The following SLC2A11 variants were observed in gnomAD, a reference collection of about 807,000 sequenced individuals.
SLC2A11 encodes solute carrier family 2, facilitated glucose transporter member 11.
A neutral mutation model predicts 52.1 loss-of-function variants in SLC2A11; 43 were observed. The ratio of observed to expected loss-of-function variants is 0.82; its 90% CI spans 0.65 to 1.06. The LOEUF is 1.06. SLC2A11 is among the 50% of genes least tolerant of loss of function. SLC2A11 has a pLI of 0.00. For synonymous variants in SLC2A11, 261 were observed against 277.6 expected, an observed-to-expected ratio of 0.94 and a Z score of 0.59; for missense variants, 582 against 654.2, an observed-to-expected ratio of 0.89 and a Z score of 1.20.
upstream of SLC2A11, chr22:23,857,423 A>T: frequency 6.2e-7 from 1 of 1,607,770 alleles, no homozygotes; most frequent in African/African-American, 1.3e-5. Context: ...GCCTGCAGAG[A>T]TGAGCTTGGG....
Position 23,884,436 on chromosome 22 carries a change from C to T in SLC2A11, c.1299+7C>T. 2 of 1,611,518 alleles carry T rather than the reference C, an allele frequency of 1.2e-6. No homozygotes were observed. The highest frequency in any genetic ancestry group is 1.7e-6 in the Non-Finnish European group (2 of 1,178,604). On this transcript the variant is annotated splice_region_variant and intron_variant, in intron 11 of 11. Transcript: ENST00000316185. This position sits in a 1 kb window ranked among gnomAD's most constrained non-coding sequence, Gnocchi z 4.3. The stretch of plus-strand genomic sequence containing the variant: ...GGGATTTCCCTTTATCATGGTAGGC[C>T]CGCCCCTCCCGCTGGGGGCCCTGCC...
intron 8 of SLC2A11, 128 bp downstream of exon 8, chr22:23,882,997 A>G: frequency 2.2e-6 from 2 of 899,700 alleles, no homozygotes; most frequent in Non-Finnish European, 3.5e-6. Flanking sequence ...GCGGTGGCTC[A>G]TGCCTGTAAG....
In SLC2A11 at chr22:23,877,184, C is replaced by A; in HGVS notation, c.545+13C>A. On this transcript the variant is annotated intron_variant, in intron 5 of 11. Transcript: ENST00000316185. ...TGGTCGGACTCAGGTAAGCACCCCT[C>A]CCCCACATGCATTGAGTATTTCGGA... The A allele has an allele frequency of 6.2e-7, 1 of 1,602,276 alleles. No homozygotes were observed. The highest frequency in any genetic ancestry group is 8.5e-7 in the Non-Finnish European group (1 of 1,173,802).
intron 3 of SLC2A11, 105 bp downstream of exon 3, chr22:23,868,746 C>T: frequency 7.4e-7 from 1 of 1,354,386 alleles, no homozygotes; most frequent in Non-Finnish European, 1.0e-6. Context: ...GCTCCAGGCC[C>T]AGATCAGCTC....
upstream of SLC2A11, chr22:23,857,748 G>C: frequency 7.5e-7 from 1 of 1,339,368 alleles, no homozygotes; most frequent in Non-Finnish European, 9.9e-7. Context: ...CCTTAGTCCC[G>C]GCCATCGTTT....
upstream of SLC2A11, chr22:23,857,580 C>CCG (rs763511627): frequency 3.4e-5 from 51 of 1,478,432 alleles, 1 homozygote; most frequent in Admixed American, 6.6e-4. Context: ...ACCCCAAACC[C>CCG]CCCCCCCGCG....
chr22:23,881,709 G>A (rs2032798081), intron 6 of SLC2A11: 1 of 153,126 alleles, frequency 6.5e-6, no homozygotes, highest in African/African-American at 2.4e-5. Flanking sequence ...TCTGACCAGG[G>A]AGGCAAACAG....
intron 8 of SLC2A11, chr22:23,883,299 C>T (rs975526082): frequency 1.6e-5 from 5 of 316,596 alleles, no homozygotes; most frequent in African/African-American, 4.5e-5. Flanking sequence ...GGTGAAACCC[C>T]GTCTCTACAA....
At position 23,877,857 on chromosome 22, in the gene SLC2A11, G is replaced by T; in HGVS notation, c.682G>T (p.Ala228Ser). 6.2e-7 allele frequency: 1 copy of T among 1,611,676 alleles called. No homozygotes were observed. The highest frequency in any genetic ancestry group is 8.5e-7 in the Non-Finnish European group (1 of 1,178,786). The change falls in exon 6 of 12, where the codon GCC (alanine) becomes TCC (serine). Residue 228 changes from alanine (A) to serine (S), a missense_variant. Ala to Ser is a moderately conservative substitution (Grantham distance 99). Transcript: ENST00000316185. ...CCTCATTGACTGTGGAGACACCGAG[G>T]CCTGCCTGGCAGGTGAGTCTCTGTC... ...YLLIDCGDTE[A>S]CLAALRRLRG... is the part of the protein sequence containing the mutation.
chr22:23,884,852 C>T lies in SLC2A11; in HGVS notation c.*3C>T. 1.9e-6 allele frequency: 3 copies of T among 1,613,836 alleles called. No homozygotes were observed. Among genetic ancestry groups the T allele is most frequent in the East Asian group, 4.5e-5 (2 of 44,878 alleles). ...TTATCCAGTCAACAGAACTCTAGTC[C>T]CAAAGGGGTGGCCAGAGCCAAAGCC... On this transcript the variant is annotated 3_prime_UTR_variant, in exon 12 of 12. Transcript: ENST00000316185. This position sits in a 1 kb window ranked among gnomAD's most constrained non-coding sequence, Gnocchi z 4.3.
chr22:23,878,496 A>T (rs2032697889), intron 6 of SLC2A11, among the ~76,000 whole-genome samples: 1 of 152,184 alleles, frequency 6.6e-6, no homozygotes, highest in Admixed American at 6.5e-5. Context: ...TGGTGATGGC[A>T]GAGAAACAAG....
At chr22:23,876,922 A>G (rs981397034) in intron 4 of SLC2A11, 120 bp from the exon 5 acceptor site, 1 of 1,508,834 alleles carries the variant, frequency 6.6e-7, no homozygotes, top group African/African-American at 1.4e-5. Context: ...ATCAGCCCTC[A>G]GTGCCAGGAT....
upstream of SLC2A11, chr22:23,857,205 G>T: frequency 1.3e-6 from 1 of 768,894 alleles, no homozygotes; most frequent in Non-Finnish European, 2.1e-6. Context: ...AGGGAATCGC[G>T]CAGGGTTGCG....
chr22:23,862,291 C>G (rs2032099326), intron 2 of SLC2A11, 89 bp downstream of exon 2: 1 of 1,207,862 alleles, frequency 8.3e-7, no homozygotes, highest in East Asian at 2.3e-5. Context: ...CAGGCATCCA[C>G]TAGGTGGCAC....
Position 23,883,839 on chromosome 22 carries a change from G to A in SLC2A11, c.1061G>A (p.Trp354Ter), listed in dbSNP as rs146689657. The A allele has an allele frequency of 3.5e-5, 56 of 1,590,066 alleles. No homozygotes were observed. In the Admixed American group the frequency reaches 5.1e-4, roughly 15 times the overall value. The change falls in exon 9 of 12, where the codon TGG becomes TAG. Residue 354 changes from tryptophan (W) to a stop codon, truncating the protein, a stop_gained. Transcript: ENST00000316185. LOFTEE classifies it high-confidence loss of function. Reference protein sequence around the residue: ...LIGGYSLMTCWGSIFTVALCL... With the variant: ...LIGGYSLMTC ...GGTGGGTACAGCCTGATGACCTGCT[G>A]GGGGAGCATCTTCACTGTGGCCCTG...
Position 23,883,839 on chromosome 22 carries a change from G to T in SLC2A11, c.1061G>T (p.Trp354Leu), listed in dbSNP as rs146689657. 6.3e-7 allele frequency: 1 copy of T among 1,590,066 alleles called. No homozygotes were observed. The highest frequency in any genetic ancestry group is 8.5e-7 in the Non-Finnish European group (1 of 1,171,590). The part of the protein sequence containing the change: ...LIGGYSLMTC[W>L]GSIFTVALCL... ...GGTGGGTACAGCCTGATGACCTGCTGGGGGAGCATCTTCACTGTGGCCCTG... is the reference window on the plus strand; with the variant it reads ...GGTGGGTACAGCCTGATGACCTGCTTGGGGAGCATCTTCACTGTGGCCCTG... The change falls in exon 9 of 12, where the codon TGG becomes TTG. Residue 354 changes from tryptophan to leucine, a missense_variant. By Grantham distance (61) the Trp-to-Leu change is moderately conservative. Coordinates refer to ENST00000316185, the MANE Select transcript of SLC2A11 (RefSeq NM_001024939.4).
In SLC2A11 at chr22:23,884,381, C is replaced by T. The variant is rs1290365171; in HGVS notation, c.1251C>T (p.Leu417=). ...CTGCCTGCATGGTCTGCGGGGCGCT[C>T]ATGTGGATCATGCTCATCCTGGTCG... ...RPAACMVCGA[L]MWIMLILVGL... The change falls in exon 11 of 12, where the codon CTC becomes CTT. Residue 417 remains leucine (L), a synonymous_variant. Coordinates refer to ENST00000316185, the MANE Select transcript of SLC2A11 (RefSeq NM_001024939.4). This position sits in a 1 kb window ranked among gnomAD's most constrained non-coding sequence, Gnocchi z 4.3. 2.5e-6 allele frequency: 4 copies of T among 1,613,906 alleles called. No homozygotes were observed. The highest frequency in any genetic ancestry group is 3.4e-6 in the Non-Finnish European group (4 of 1,180,022).
rs755695460 is a variant in SLC2A11 at position 23,882,501 on chromosome 22, T to TGGAGGAGCTGGA, written c.746_757dup (p.Leu249_Glu252dup). On this transcript the variant is annotated inframe_insertion, in exon 7 of 12. Coordinates refer to ENST00000316185, the MANE Select transcript of SLC2A11 (RefSeq NM_001024939.4). ...GGCTCCGGGGACTTGGCAGGGGAGC[T>TGGAGGAGCTGGA]GGAGGAGCTGGAGGAGGAGCGCGCT... 4.5e-6 allele frequency: 7 copies of TGGAGGAGCTGGA among 1,572,826 alleles called. No individual in the cohort carries two copies. The highest frequency in any genetic ancestry group is 6.0e-6 in the Non-Finnish European group (7 of 1,161,634).
intron 2 of SLC2A11, among the ~76,000 whole-genome samples, chr22:23,864,856 C>T (rs1293154315): frequency 6.6e-6 from 1 of 152,012 alleles, no homozygotes; most frequent in Non-Finnish European, 1.5e-5. Context: ...GCCTGTAATC[C>T]CAGCACTTTG....
Sources: allele counts gnomAD v4.1 joint callset (sites outside exome capture counted in the v4.1 genomes callset), GRCh38; gene constraint gnomAD v4.1.1; non-coding constraint Gnocchi (gnomAD v3.1); transcripts MANE v1.5; gene names NCBI Gene and HGNC (gene_info 2026-07-23, HGNC 2026-07-21).